The following CSMD1 variants were observed in gnomAD, a reference collection of about 807,000 sequenced individuals.
CSMD1 encodes CUB and sushi domain-containing protein 1.
A neutral mutation model predicts 417.5 loss-of-function variants in CSMD1; 213 were observed. The ratio of observed to expected loss-of-function variants is 0.51; its 90% CI spans 0.46 to 0.57. The LOEUF (loss-of-function observed/expected upper bound fraction) is 0.57, where lower values mean the gene tolerates loss of function less well. Among genes scored for constraint, CSMD1 ranks in the 20% least tolerant of loss-of-function variants. The pLI, the probability that CSMD1 is intolerant of heterozygous loss-of-function variation, is 0.00. For missense variants in CSMD1, 6,923 were observed against 4,529.7 expected (o/e 1.53, Z -15.17); for synonymous variants, 2,862 against 1,736.8 (o/e 1.65, Z -16.11).
At chr8:4,189,090 C>G (rs1279433458) in intron 3 of CSMD1, among the ~76,000 whole-genome samples, 1 of 152,218 alleles carries the variant, frequency 6.6e-6, no homozygotes, top group Non-Finnish European at 1.5e-5. Flanking sequence ...AATGAAAATA[C>G]ATGACATTCA....
intron 12 of CSMD1, among the ~76,000 whole-genome samples, chr8:3,466,752 G>C (rs1056990223): frequency 1.3e-5 from 2 of 151,798 alleles, no homozygotes; most frequent in African/African-American, 4.8e-5. Context: ...TATAATTTAT[G>C]AATAACTTTG....
chr8:3,019,943 C>G (rs1290121724), intron 51 of CSMD1, among the ~76,000 whole-genome samples: 1 of 152,324 alleles, frequency 6.6e-6, no homozygotes, highest in East Asian at 1.9e-4. Flanking sequence ...TCAAAGCAAG[C>G]ATTAAGAGTG....
At chr8:3,483,437 A>G (rs1015458744) in intron 11 of CSMD1, among the ~76,000 whole-genome samples, 4 of 152,086 alleles carry the variant, frequency 2.6e-5, no homozygotes, top group Non-Finnish European at 1.5e-5. Flanking sequence ...CAACCAAGAT[A>G]AAACAGACAA....
At chr8:3,113,311 C>T (rs919915817) in intron 42 of CSMD1, 1 of 152,250 alleles carries the variant, frequency 6.6e-6, no homozygotes, top group Non-Finnish European at 1.5e-5. Flanking sequence ...ACTCCCTCCA[C>T]TCTCAGGAGC....
rs1031994037 is a variant in CSMD1, at chr8:3,843,656, G to C, written c.819-89614C>G. Among the ~76,000 whole-genome samples, 7 of 152,272 alleles carry C rather than the reference G, an allele frequency of 4.6e-5. No individual in the cohort carries two copies. In the South Asian group the frequency reaches 8.3e-4, roughly 18 times the overall value. ...ATACCATGGAATGCATTTTCAAAGA[G>C]ACAGGCCACGGAGTGAGTGACGGGA... On this transcript the variant is annotated intron_variant, in intron 5 of 69. Coordinates refer to ENST00000635120, the MANE Select transcript of CSMD1 (RefSeq NM_033225.6).
chr8:3,143,248 G>T (rs1029670749), intron 40 of CSMD1, among the ~76,000 whole-genome samples: 1 of 152,116 alleles, frequency 6.6e-6, no homozygotes, highest in African/African-American at 2.4e-5. Context: ...TTACTAACTG[G>T]ACGGTCATAC....
At chr8:4,384,990 G>A (rs189051981) in intron 3 of CSMD1, among the ~76,000 whole-genome samples, 13 of 152,206 alleles carry the variant, frequency 8.5e-5, no homozygotes, top group Middle Eastern at 6.8e-3. Context: ...GCGCAATCTC[G>A]ATCTCGGCTC....
chr8:3,984,365 C>G (rs946692203), intron 5 of CSMD1, among the ~76,000 whole-genome samples: 1 of 152,126 alleles, frequency 6.6e-6, no homozygotes, highest in Non-Finnish European at 1.5e-5. Context: ...GATCATGAGT[C>G]TCTGTTTTCC....
intron 16 of CSMD1, among the ~76,000 whole-genome samples, chr8:3,397,416 A>G (rs1007455802): frequency 6.6e-6 from 1 of 152,138 alleles, no homozygotes; most frequent in Non-Finnish European, 1.5e-5. Flanking sequence ...TAGATCATGG[A>G]TACACTGATT....
chr8:3,809,304 T>C (rs1037333037), intron 5 of CSMD1, among the ~76,000 whole-genome samples: 2 of 152,196 alleles, frequency 1.3e-5, no homozygotes, highest in African/African-American at 2.4e-5. Context: ...GCACCTTTCA[T>C]TGAAAGTTCT....
chr8:4,707,712 C>A (rs542536975), intron 1 of CSMD1, among the ~76,000 whole-genome samples: 2 of 151,898 alleles, frequency 1.3e-5, no homozygotes, highest in African/African-American at 4.8e-5. Flanking sequence ...CATGGTCAAA[C>A]CCCATCTCTA....
rs1267408036 is a variant in CSMD1 at position 4,149,057 on chromosome 8, A to G, written c.416-116958T>C. 2.0e-5 allele frequency among the ~76,000 whole-genome samples: 3 copies of G among 151,290 alleles called. No homozygotes were observed. The South Asian group carries it at 6.3e-4, about 32-fold the overall frequency. On this transcript the variant is annotated intron_variant, in intron 3 of 69. Transcript: ENST00000635120. ...TTGCTCACTGCAACCTCCACCTCCCAGGTTCAAGCGATTCTCCTGCCTCAG... is the reference window on the plus strand; with the variant it reads ...TTGCTCACTGCAACCTCCACCTCCCGGGTTCAAGCGATTCTCCTGCCTCAG...
At chr8:3,897,416 A>C (rs1001107168) in intron 5 of CSMD1, among the ~76,000 whole-genome samples, 1 of 152,168 alleles carries the variant, frequency 6.6e-6, no homozygotes, top group Non-Finnish European at 1.5e-5. Flanking sequence ...TTTCTCAAAG[A>C]CCTGTTATTA....
At chr8:3,901,979 G>A (rs1807784909) in intron 5 of CSMD1, among the ~76,000 whole-genome samples, 1 of 152,110 alleles carries the variant, frequency 6.6e-6, no homozygotes, top group South Asian at 2.1e-4. Flanking sequence ...TTAAATGGCT[G>A]TTTCTCTTAT....
At chr8:3,102,872 C>A (rs1468915976) in intron 46 of CSMD1, among the ~76,000 whole-genome samples, 1 of 152,096 alleles carries the variant, frequency 6.6e-6, no homozygotes, top group African/African-American at 2.4e-5. Flanking sequence ...GACAAGATAA[C>A]AAAAGAATTC....
intron 2 of CSMD1, among the ~76,000 whole-genome samples, chr8:4,624,464 T>C (rs1487913297): frequency 6.6e-6 from 1 of 152,158 alleles, no homozygotes; most frequent in Non-Finnish European, 1.5e-5. Flanking sequence ...AAGGCTGCAG[T>C]TGTCAATCAC....
chr8:4,391,418 C>G (rs1803842813), intron 3 of CSMD1, among the ~76,000 whole-genome samples: 1 of 152,012 alleles, frequency 6.6e-6, no homozygotes, highest in Non-Finnish European at 1.5e-5. Context: ...CTTTCAGAGC[C>G]TTAGTGATTG....
At chr8:4,234,870 C>T (rs1801952447) in intron 3 of CSMD1, among the ~76,000 whole-genome samples, 1 of 152,118 alleles carries the variant, frequency 6.6e-6, no homozygotes, top group South Asian at 2.1e-4. Context: ...CCCCACGTAG[C>T]TTTTCCTCGG....
chr8:4,620,114 T>C (rs1192092358), intron 2 of CSMD1, among the ~76,000 whole-genome samples: 1 of 151,936 alleles, frequency 6.6e-6, no homozygotes, highest in Non-Finnish European at 1.5e-5. Flanking sequence ...TATTATCAGT[T>C]ATAGGAGTAT....
Sources: gnomAD v4.1 joint callset for allele counts (sites outside exome capture counted in the v4.1 genomes callset) on GRCh38, gnomAD v4.1.1 for gene constraint, MANE v1.5 for transcripts, NCBI Gene and HGNC (gene_info 2026-07-23, HGNC 2026-07-21) for gene names.